Variants in SLC35E4 observed in about 807,000 individuals in gnomAD.
The protein encoded by SLC35E4 is solute carrier family 35, member E4.
Under a neutral mutation model 19.3 loss-of-function variants are expected in SLC35E4, and 15 were observed. The ratio of observed to expected loss-of-function variants is 0.78; its 90% CI spans 0.52 to 1.20. SLC35E4 has a LOEUF of 1.20. Among genes scored for constraint, SLC35E4 ranks in the 50% most tolerant of loss-of-function variants. The pLI is 0.00. For missense variants in SLC35E4, 406 were observed against 472.3 expected (o/e 0.86, Z 1.30); for synonymous variants, 219 against 219.9 (o/e 1.00, Z 0.04).
At chr22:30,651,182 G>A (rs1041189961), downstream of SLC35E4, among the ~76,000 whole-genome samples, 1 of 151,246 alleles carries the variant, frequency 6.6e-6, no homozygotes, top group Non-Finnish European at 1.5e-5. Flanking sequence ...GAGAGGTTTT[G>A]AGCCATGATC....
downstream of SLC35E4, chr22:30,663,348 CA>C: frequency 7.4e-7 from 1 of 1,351,484 alleles, no homozygotes; most frequent in Admixed American, 2.3e-5. Context: ...TCTGTATCAA[CA>C]AAAGTAGAAT....
chr22:30,645,333 G>A (rs963955680), intron 1 of SLC35E4, among the ~76,000 whole-genome samples: 6 of 152,114 alleles, frequency 3.9e-5, no homozygotes, highest in Non-Finnish European at 8.8e-5. Flanking sequence ...CTGGCTCAAC[G>A]CCTGTAATCC....
intron 2 of SLC35E4, among the ~76,000 whole-genome samples, chr22:30,659,376 TTC>T (rs1490413777): frequency 1.3e-5 from 2 of 152,154 alleles, no homozygotes; most frequent in African/African-American, 4.8e-5. Context: ...GACTCTTTTT[TTC>T]TCTCTTTTTT....
chr22:30,649,881 G>A (rs1437647030), downstream of SLC35E4, among the ~76,000 whole-genome samples: 4 of 149,542 alleles, frequency 2.7e-5, no homozygotes, highest in Non-Finnish European at 5.9e-5. Flanking sequence ...GGTGGTTGTG[G>A]GGACAGGTAA....
downstream of SLC35E4, among the ~76,000 whole-genome samples, chr22:30,652,732 T>G (rs143573233): frequency 7.9e-5 from 12 of 152,338 alleles, no homozygotes; most frequent in Middle Eastern, 3.4e-3. Context: ...TTGAGTGTCC[T>G]CAACACATAG....
At chr22:30,637,823 C>T (rs1435779676) in intron 1 of SLC35E4, among the ~76,000 whole-genome samples, 1 of 152,126 alleles carries the variant, frequency 6.6e-6, no homozygotes, top group Admixed American at 6.6e-5. Context: ...TCCATGCTTC[C>T]AAGAGATGTG....
At chr22:30,648,293 C>T (rs894779624), downstream of SLC35E4, among the ~76,000 whole-genome samples, 22 of 152,174 alleles carry the variant, frequency 1.4e-4, no homozygotes, top group African/African-American at 4.3e-4. Context: ...GCCTTCCAGC[C>T]TCACCGACTT....
At chr22:30,658,436 C>G (rs1247418129) in intron 2 of SLC35E4, among the ~76,000 whole-genome samples, 1 of 151,362 alleles carries the variant, frequency 6.6e-6, no homozygotes, top group Non-Finnish European at 1.5e-5. Flanking sequence ...CAGAAAAGCA[C>G]CTAAAACTCT....
At chr22:30,642,044 A>G (rs1456372137) in intron 1 of SLC35E4, among the ~76,000 whole-genome samples, 2 of 151,830 alleles carry the variant, frequency 1.3e-5, no homozygotes, top group Admixed American at 1.3e-4. Context: ...TTTGTTTATG[A>G]GAGGGTCTTG....
chr22:30,656,817 G>C (rs1476111073), intron 2 of SLC35E4, among the ~76,000 whole-genome samples: 1 of 152,130 alleles, frequency 6.6e-6, no homozygotes, highest in Admixed American at 6.6e-5. Context: ...TAAAAAGAGA[G>C]TTAAAAAGGA....
chr22:30,646,353 ACTCAGGCTTACGGAGGTTAAGTGC>A (rs1412086670), intron 1 of SLC35E4, among the ~76,000 whole-genome samples: 1 of 152,156 alleles, frequency 6.6e-6, no homozygotes, highest in African/African-American at 2.4e-5. Context: ...AGGTGAGGAA[ACTCAGGCTTACGGAGGTTAAGTGC>A]CTCTCATGAG....
chr22:30,651,417 ATATATATATATTTTTTTTT>A (rs2088213827), downstream of SLC35E4, among the ~76,000 whole-genome samples: 4 of 66,522 alleles, frequency 6.0e-5, no homozygotes, highest in East Asian at 9.5e-4. Context: ...ATATATATAT[ATATATATATATTTTTTTTT>A]TTTTTTTTTT....
Position 30,636,022 on chromosome 22 carries a change from GC to G in SLC35E4, c.-427del, listed in dbSNP as rs2087938243. ...GGAGCCCAGATCGCCCCCCTGCCAG[GC>G]CTGGTCACGGCCAGAGCACGCAGGA... On this transcript the variant is annotated 5_prime_UTR_variant, in exon 1 of 2. Transcript: ENST00000343605. The G allele has an allele frequency of 6.4e-6, 1 of 156,252 alleles. No homozygotes were observed. Among genetic ancestry groups the G allele is most frequent in the African/African-American group, 2.4e-5 (1 of 41,660 alleles). The allele number at this position is 156,252 out of a possible 1,614,324, so 9.7% of individuals were successfully genotyped here. A position where few individuals can be genotyped will look rare whatever the true frequency, so the allele number is the denominator to read the frequency against.
chr22:30,649,735 C>T (rs1022308782), downstream of SLC35E4, among the ~76,000 whole-genome samples: 8 of 149,774 alleles, frequency 5.3e-5, 1 homozygote, highest in Non-Finnish European at 8.9e-5. Context: ...AAATCCTCCT[C>T]GGTGACTCAG....
chr22:30,636,537 G>A lies in SLC35E4; in HGVS notation c.87G>A (p.Gly29=), dbSNP rs1432548637. 6.4e-7 allele frequency: 1 copy of A among 1,556,568 alleles called. No individual in the cohort carries two copies. The highest frequency in any genetic ancestry group is 1.9e-5 in the Admixed American group (1 of 52,038). The change falls in exon 1 of 2, where the codon GGG becomes GGA. Residue 29 remains glycine (G), a synonymous_variant. Transcript: ENST00000343605. Reference sequence around the variant, plus strand: ...CAGCTGGTGGTGCTCAGGCGGCTGGGCCCCCCGAGTGGCCCCCTGGCAGCC... The same window carrying A: ...CAGCTGGTGGTGCTCAGGCGGCTGGACCCCCCGAGTGGCCCCCTGGCAGCC... ...GAAAGGAQAA[G]PPEWPPGSPQ...
chr22:30,654,409 A>G (rs1198172419), intron 2 of SLC35E4: 2 of 454,554 alleles, frequency 4.4e-6, no homozygotes, highest in African/African-American at 2.0e-5. Context: ...CAGGTAGGCA[A>G]ACTTTCTTGT....
downstream of SLC35E4, among the ~76,000 whole-genome samples, chr22:30,648,633 G>A (rs1354004992): frequency 6.6e-6 from 1 of 152,144 alleles, no homozygotes; most frequent in Non-Finnish European, 1.5e-5. Flanking sequence ...GTGCACCTGA[G>A]GCAGGAGAAT....
At chr22:30,661,591 G>C (rs2088471057) in intron 2 of SLC35E4, 1 of 90,394 alleles carries the variant, frequency 1.1e-5, no homozygotes, top group Middle Eastern at 4.5e-3. Flanking sequence ...TGGGATTACA[G>C]GCACCCAGCT....
intron 1 of SLC35E4, among the ~76,000 whole-genome samples, chr22:30,639,949 G>A (rs2079432): frequency 0.028 from 4,291 of 151,122 alleles, 93 homozygotes; most frequent in African/African-American, 0.054. Context: ...AAGGGTATTG[G>A]TTGGAGAAGT....
Sources: gnomAD v4.1 joint callset for allele counts (sites outside exome capture counted in the v4.1 genomes callset) on GRCh38, gnomAD v4.1.1 for gene constraint, MANE v1.5 for transcripts, NCBI Gene and HGNC (gene_info 2026-07-23, HGNC 2026-07-21) for gene names.